The following BAZ1B variants were observed in gnomAD, a reference collection of about 807,000 sequenced individuals.
BAZ1B encodes tyrosine-protein kinase BAZ1B.
BAZ1B carries 22 observed loss-of-function variants against 153.8 expected under a neutral mutation model. The ratio of observed to expected loss-of-function variants is 0.14; its 90% CI spans 0.10 to 0.20. The LOEUF (loss-of-function observed/expected upper bound fraction) is 0.20, where lower values mean the gene tolerates loss of function less well. Among genes scored for constraint, BAZ1B ranks in the 10% least tolerant of loss-of-function variants. The pLI is 1.00. For synonymous variants in BAZ1B, 676 were observed against 633.4 expected, an observed-to-expected ratio of 1.07 and a Z score of -1.01; for missense variants, 1,325 against 1,799.3, an observed-to-expected ratio of 0.74 and a Z score of 4.77.
In BAZ1B at chr7:73,477,901, A is replaced by G. The variant is rs1221279481; in HGVS notation, c.1560T>C (p.Ser520=). 2 of 1,614,008 alleles carry G rather than the reference A, an allele frequency of 1.2e-6. No individual in the cohort carries two copies. Among genetic ancestry groups the G allele is most frequent in the Non-Finnish European group, 1.7e-6 (2 of 1,180,032 alleles). The change falls in exon 7 of 20, where the codon AGT becomes AGC. Residue 520 remains serine (S), a synonymous_variant. Transcript: ENST00000339594. This position sits in a 1 kb window ranked among gnomAD's most constrained non-coding sequence, Gnocchi z 5.6. ...DRARLPEELR[S]LVQKRYELLE... ...GAAGTTCATAGCGTTTTTGAACAAG[A>G]CTTCGCAATTCTTCTGGGAGACGAG...
chr7:73,463,098 A>T lies in BAZ1B; in HGVS notation c.3073T>A (p.Tyr1025Asn). Residue 1025 changes from tyrosine to asparagine, a missense_variant and splice_region_variant, in exon 12 of 20, where the codon TAC becomes AAC. Tyr to Asn is a moderately radical substitution (Grantham distance 143). Transcript: ENST00000339594. Reference sequence around the variant, plus strand: ...TGAATAGAGTGAATAATGTCCTGGTACCTAGAAGATTTGGGACAAGAGAAT... The same window carrying T: ...TGAATAGAGTGAATAATGTCCTGGTTCCTAGAAGATTTGGGACAAGAGAAT... ...SQLKERLEKR[Y>N]QDIIHSIHLA... 2.5e-6 allele frequency: 4 copies of T among 1,601,858 alleles called. No homozygotes were observed. Among genetic ancestry groups the T allele is most frequent in the Non-Finnish European group, 3.4e-6 (4 of 1,175,370 alleles).
intron 5 of BAZ1B, among the ~76,000 whole-genome samples, chr7:73,489,937 G>A (rs983896847): frequency 2.0e-5 from 3 of 152,184 alleles, no homozygotes; most frequent in South Asian, 2.1e-4. Context: ...ATCTTAGGAA[G>A]TAAATGGACA....
intron 1 of BAZ1B, among the ~76,000 whole-genome samples, chr7:73,514,322 G>A (rs1583959170): frequency 6.6e-6 from 1 of 152,178 alleles, no homozygotes; most frequent in South Asian, 2.1e-4. Flanking sequence ...CCTGAGGTCA[G>A]GAGTTCGAGA....
intron 1 of BAZ1B, among the ~76,000 whole-genome samples, chr7:73,513,012 T>G (rs1790649014): frequency 6.6e-6 from 1 of 152,180 alleles, no homozygotes; most frequent in South Asian, 2.1e-4. Flanking sequence ...TGAAGTGCAG[T>G]GGTGGGATCA....
Position 73,478,419 on chromosome 7 carries a change from C to T in BAZ1B, c.1042G>A (p.Gly348Ser), listed in dbSNP as rs782069280. ...GAGTTCTTCACTTTGAGTGGCGAGCCACTCAATGACTTCTTCAAGTGTACG... is the reference window on the plus strand; with the variant it reads ...GAGTTCTTCACTTTGAGTGGCGAGCTACTCAATGACTTCTTCAAGTGTACG... ...CHVHLKKSLSGSPLKVKNSKN... is the reference protein window; with the variant it reads ...CHVHLKKSLSSSPLKVKNSKN... The change falls in exon 7 of 20, where the codon GGC becomes AGC. Residue 348 changes from glycine to serine, a missense_variant. Physicochemically the swap from Gly to Ser is moderately conservative, Grantham distance 56. Transcript: ENST00000339594. 1 of 1,612,626 alleles carries T rather than the reference C, an allele frequency of 6.2e-7. No individual in the cohort carries two copies. The highest frequency in any genetic ancestry group is 1.3e-5 in the African/African-American group (1 of 74,864).
rs782213486 is a variant in BAZ1B at position 73,442,179 on chromosome 7, A to T, written c.*15+2T>A. On this transcript the variant is annotated splice_donor_variant, in intron 19 of 19. Transcript: ENST00000339594. LOFTEE classifies it low-confidence loss of function (3UTR_SPLICE). ...GCTGTCCCCCCACCTCAGCTCCCTT[A>T]CCACGGCCCTGCCTCTCTACTTCTT... The T allele has an allele frequency of 2.4e-6, 3 of 1,233,092 alleles. No homozygotes were observed. Among genetic ancestry groups the T allele is most frequent in the Non-Finnish European group, 3.2e-6 (3 of 948,764 alleles). The allele number at this position is 1,233,092 out of a possible 1,614,324, so 76.4% of individuals were successfully genotyped here. A position where few individuals can be genotyped will look rare whatever the true frequency, so the allele number is the denominator to read the frequency against.
intron 16 of BAZ1B, among the ~76,000 whole-genome samples, chr7:73,446,546 CAAAAAAAAA>C (rs1175189600): frequency 4.8e-5 from 2 of 41,534 alleles, no homozygotes; most frequent in African/African-American, 8.2e-5. Context: ...GAGACCATCT[CAAAAAAAAA>C]AAAAAAAAAA....
intron 2 of BAZ1B, among the ~76,000 whole-genome samples, chr7:73,510,480 T>A (rs897136312): frequency 6.6e-6 from 1 of 152,138 alleles, no homozygotes; most frequent in Non-Finnish European, 1.5e-5. Context: ...ACTTACAAGG[T>A]CAAAGTATGG....
chr7:73,459,585 G>C lies in BAZ1B; in HGVS notation c.3383C>G (p.Ala1128Gly). ...KRRKLQSEDS[A>G]KTEEVDEEKK... ...CTCTTCATCCACTTCCTCAGTTTTT[G>C]CTGAATCTTCACTTTGGAGTTTTCT... The change falls in exon 13 of 20, where the codon GCA (alanine) becomes GGA (glycine). Residue 1128 changes from alanine to glycine, a missense_variant. Coordinates refer to ENST00000339594, the MANE Select transcript of BAZ1B (RefSeq NM_032408.4). 1 of 1,613,566 alleles carries C rather than the reference G, an allele frequency of 6.2e-7. No individual in the cohort carries two copies. Among genetic ancestry groups the C allele is most frequent in the Non-Finnish European group, 8.5e-7 (1 of 1,179,914 alleles).
chr7:73,454,485 C>T (rs1221764211), intron 13 of BAZ1B, among the ~76,000 whole-genome samples: 1 of 152,158 alleles, frequency 6.6e-6, no homozygotes, highest in Non-Finnish European at 1.5e-5. Context: ...TATCACATAT[C>T]ATCCTCGGCC....
chr7:73,461,987 G>C (rs1319773709), intron 12 of BAZ1B, among the ~76,000 whole-genome samples: 3 of 152,146 alleles, frequency 2.0e-5, no homozygotes, highest in Non-Finnish European at 2.9e-5. Context: ...GGCTGGTCTC[G>C]ACCTGCTGGG....
chr7:73,477,370 G>A lies in BAZ1B; in HGVS notation c.2091C>T (p.Arg697=). ...SVSELVRLCL[R]RSDVQEESEG... ...CGCTTTCCTCCTGAACATCAGATCT[G>A]CGCAAGCAGAGCCGCACCAGCTCTG... Residue 697 remains arginine (R), a synonymous_variant, in exon 7 of 20, where the codon CGC becomes CGT. Transcript: ENST00000339594. This position sits in a 1 kb window ranked among gnomAD's most constrained non-coding sequence, Gnocchi z 5.6. The A allele has an allele frequency of 6.2e-7, 1 of 1,614,212 alleles. No homozygotes were observed. The highest frequency in any genetic ancestry group is 8.5e-7 in the Non-Finnish European group (1 of 1,180,036).
intron 1 of BAZ1B, among the ~76,000 whole-genome samples, chr7:73,515,599 A>G (rs1790767185): frequency 7.2e-6 from 1 of 139,038 alleles, no homozygotes; most frequent in African/African-American, 2.7e-5. Context: ...GTGCAATAGC[A>G]CCATCTCGCT....
intron 1 of BAZ1B, among the ~76,000 whole-genome samples, chr7:73,517,814 A>G (rs1554579586): frequency 6.6e-6 from 1 of 152,192 alleles, no homozygotes. Context: ...GCCATCAGCT[A>G]CCTCCTTATC....
chr7:73,466,853 C>T (rs112436847), intron 9 of BAZ1B, among the ~76,000 whole-genome samples: 64 of 152,296 alleles, frequency 4.2e-4, no homozygotes, highest in African/African-American at 1.5e-3. Flanking sequence ...TATACTGATA[C>T]GTGACTTTAA....
chr7:73,459,946 G>A (rs1337583102), intron 12 of BAZ1B, among the ~76,000 whole-genome samples: 4 of 152,132 alleles, frequency 2.6e-5, no homozygotes, highest in Non-Finnish European at 4.4e-5. Flanking sequence ...TGTAATCCCA[G>A]CATTTTGGGG....
chr7:73,488,543 C>A (rs1201174953), intron 6 of BAZ1B, among the ~76,000 whole-genome samples: 1 of 151,858 alleles, frequency 6.6e-6, no homozygotes, highest in Non-Finnish European at 1.5e-5. Flanking sequence ...ACTAGCCTGG[C>A]CAACACGGCA....
intron 13 of BAZ1B, 29 bp from the exon 14 acceptor site, chr7:73,451,023 T>C: frequency 6.2e-7 from 1 of 1,610,292 alleles, no homozygotes; most frequent in Non-Finnish European, 8.5e-7. Context: ...AGGCCAGCAT[T>C]ACTACACTGA....
chr7:73,513,829 C>G (rs1790681934), intron 1 of BAZ1B, among the ~76,000 whole-genome samples: 1 of 150,234 alleles, frequency 6.7e-6, no homozygotes, highest in African/African-American at 2.5e-5. Context: ...CCCAGGGGTT[C>G]AAAACCAGCC....
Sources: gnomAD v4.1 joint callset for allele counts (sites outside exome capture counted in the v4.1 genomes callset) on GRCh38, gnomAD v4.1.1 for gene constraint, Gnocchi (gnomAD v3.1) non-coding constraint, MANE v1.5 for transcripts, NCBI Gene and HGNC (gene_info 2026-07-23, HGNC 2026-07-21) for gene names.